CCDC148: variants seen among roughly 807,000 people sequenced by gnomAD.
CCDC148 encodes the protein coiled-coil domain containing 148, also known as coiled-coil domain-containing protein 148.
Under a neutral mutation model 85.7 loss-of-function variants are expected in CCDC148, and 89 were observed. The observed-to-expected ratio is 1.04, with a 90% CI of 0.87 to 1.24. The LOEUF (loss-of-function observed/expected upper bound fraction) is 1.24, where lower values mean the gene tolerates loss of function less well. CCDC148 is among the 50% of genes most tolerant of loss of function. CCDC148 has a pLI of 0.00. For synonymous variants in CCDC148, 230 were observed against 213.9 expected, an observed-to-expected ratio of 1.08 and a Z score of -0.66; for missense variants, 692 against 671.7, an observed-to-expected ratio of 1.03 and a Z score of -0.33.
intron 9 of CCDC148, among the ~76,000 whole-genome samples, chr2:158,267,841 C>G (rs1018400697): frequency 2.0e-5 from 3 of 152,176 alleles, no homozygotes; most frequent in African/African-American, 7.2e-5. Context: ...AAAGGCATTA[C>G]ACAGTATGTA....
chr2:158,383,111 C>T (rs971938316), intron 1 of CCDC148, among the ~76,000 whole-genome samples: 2 of 151,508 alleles, frequency 1.3e-5, no homozygotes, highest in African/African-American at 4.9e-5. Context: ...ACCAGCCTGG[C>T]CAACATGGTG....
chr2:158,434,430 TAACA>T (rs1423551051), intron 1 of CCDC148, among the ~76,000 whole-genome samples: 1 of 152,012 alleles, frequency 6.6e-6, no homozygotes, highest in Non-Finnish European at 1.5e-5. Flanking sequence ...AAAGGAAAAC[TAACA>T]AACAGAAAGG....
intron 9 of CCDC148, among the ~76,000 whole-genome samples, chr2:158,275,532 A>G (rs545642568): frequency 2.6e-5 from 4 of 152,170 alleles, no homozygotes; most frequent in Non-Finnish European, 5.9e-5. Context: ...ATGGCTTTAT[A>G]CTAGGGAATT....
At chr2:158,428,466 G>T (rs1687176667) in intron 1 of CCDC148, among the ~76,000 whole-genome samples, 1 of 151,964 alleles carries the variant, frequency 6.6e-6, no homozygotes, top group South Asian at 2.1e-4. Flanking sequence ...GGGAAGGTGA[G>T]AAGATAGCAA....
At chr2:158,247,850 T>C (rs1559015981) in intron 10 of CCDC148, among the ~76,000 whole-genome samples, 1 of 152,072 alleles carries the variant, frequency 6.6e-6, no homozygotes, top group Non-Finnish European at 1.5e-5. Flanking sequence ...AGCGAGACTC[T>C]GTCTCAAAAA....
intron 1 of CCDC148, among the ~76,000 whole-genome samples, chr2:158,433,036 G>A (rs563171996): frequency 3.2e-4 from 43 of 134,214 alleles, no homozygotes; most frequent in Admixed American, 9.0e-4. Context: ...TCAGGAGTAT[G>A]AGACCAGCAT....
At chr2:158,408,032 T>TGAG (rs1396694912) in intron 1 of CCDC148, among the ~76,000 whole-genome samples, 1 of 152,152 alleles carries the variant, frequency 6.6e-6, no homozygotes, top group East Asian at 1.9e-4. Flanking sequence ...CCAAGTAAGT[T>TGAG]TTTCAAGTTC....
intron 2 of CCDC148, 71 bp from the exon 3 acceptor site, chr2:158,345,389 T>A: frequency 1.0e-6 from 1 of 992,638 alleles, no homozygotes; most frequent in Non-Finnish European, 1.5e-6. Flanking sequence ...CAGAAATGCT[T>A]AATCTGAATT....
intron 9 of CCDC148, among the ~76,000 whole-genome samples, chr2:158,259,769 C>A (rs1424705724): frequency 6.6e-6 from 1 of 151,890 alleles, no homozygotes; most frequent in Non-Finnish European, 1.5e-5. Flanking sequence ...GACTTTATTT[C>A]CTATGACTCC....
Position 158,351,518 on chromosome 2 carries a change from C to T in CCDC148, c.148-6200G>A, listed in dbSNP as rs12621929. On this transcript the variant is annotated intron_variant, in intron 2 of 13. Coordinates refer to ENST00000283233, the MANE Select transcript of CCDC148 (RefSeq NM_138803.4). ...CACCTGAATACTGCGCTTTTCCGAC[C>T]GGCTTAAAAACCGGCGCATCACGAG... Among the ~76,000 whole-genome samples, 117 of 151,542 alleles carry T rather than the reference C, an allele frequency of 7.7e-4. 1 individual carries two copies. The East Asian group carries it at 0.02, about 26-fold the overall frequency.
intron 1 of CCDC148, among the ~76,000 whole-genome samples, chr2:158,435,081 A>T (rs1687574652): frequency 6.6e-6 from 1 of 152,230 alleles, no homozygotes; most frequent in South Asian, 2.1e-4. Flanking sequence ...GAACTTCCCC[A>T]ATCTAGCAAG....
intron 9 of CCDC148, 136 bp from the exon 10 acceptor site, chr2:158,251,048 GA>G: frequency 5.5e-6 from 4 of 720,800 alleles, no homozygotes; most frequent in Non-Finnish European, 8.6e-6. Flanking sequence ...ATGTGCACAT[GA>G]CTGTGTGATG....
At chr2:158,323,817 T>C (rs1474325807) in intron 7 of CCDC148, among the ~76,000 whole-genome samples, 1 of 152,092 alleles carries the variant, frequency 6.6e-6, no homozygotes, top group Non-Finnish European at 1.5e-5. Context: ...TGGTCTCCTC[T>C]TCACCCTTTA....
chr2:158,435,352 C>T (rs917425306), intron 1 of CCDC148, among the ~76,000 whole-genome samples: 1 of 152,130 alleles, frequency 6.6e-6, no homozygotes, highest in African/African-American at 2.4e-5. Flanking sequence ...AATTTTCAAC[C>T]CAGAATTTCA....
intron 1 of CCDC148, among the ~76,000 whole-genome samples, chr2:158,439,172 C>T (rs554140459): frequency 6.6e-6 from 1 of 152,146 alleles, no homozygotes; most frequent in African/African-American, 2.4e-5. Flanking sequence ...AAGACACATG[C>T]ACGTGTATGT....
intron 8 of CCDC148, among the ~76,000 whole-genome samples, chr2:158,313,142 T>C (rs1377945823): frequency 6.6e-6 from 1 of 152,238 alleles, no homozygotes; most frequent in Non-Finnish European, 1.5e-5. Context: ...TTCTGTTTTC[T>C]TGCCCTTGTG....
intron 1 of CCDC148, among the ~76,000 whole-genome samples, chr2:158,432,872 G>C (rs1320224322): frequency 6.6e-6 from 1 of 151,524 alleles, no homozygotes; most frequent in Non-Finnish European, 1.5e-5. Context: ...TTAGGAGTTC[G>C]ACACCAGCCT....
chr2:158,294,008 CCTTCCTTCCTTCCTTCCT>C (rs1559049788), intron 9 of CCDC148, among the ~76,000 whole-genome samples: 225 of 10,902 alleles, frequency 0.021, 14 homozygotes, highest in African/African-American at 0.033. Context: ...CTCCCTCCTT[CCTTCCTTCCTTCCTTCCT>C]TCCTTCCTTC....
intron 7 of CCDC148, among the ~76,000 whole-genome samples, chr2:158,320,586 G>A (rs182986847): frequency 6.6e-6 from 1 of 152,124 alleles, no homozygotes; most frequent in Admixed American, 6.5e-5. Flanking sequence ...TTTTAATCTT[G>A]GCTTTGCATA....
Sources: allele counts gnomAD v4.1 joint callset (sites outside exome capture counted in the v4.1 genomes callset), GRCh38; gene constraint gnomAD v4.1.1; transcripts MANE v1.5; gene names NCBI Gene and HGNC (gene_info 2026-07-23, HGNC 2026-07-21).